Variants in PAG1 observed in about 807,000 individuals in gnomAD.
The protein encoded by PAG1 is phosphoprotein associated with glycosphingolipid-enriched microdomains 1.
In PAG1, 23 loss-of-function variants were observed where a neutral mutation model predicts 31.7. The ratio of observed to expected loss-of-function variants is 0.73; its 90% CI spans 0.52 to 1.03. The LOEUF (loss-of-function observed/expected upper bound fraction) is 1.03, where lower values mean the gene tolerates loss of function less well. PAG1 is among the 50% of genes least tolerant of loss of function. The pLI, the probability that PAG1 is intolerant of heterozygous loss-of-function variation, is 0.00. For synonymous variants in PAG1, 214 were observed against 210.3 expected (o/e 1.02, Z -0.15); for missense variants, 473 against 540.7 (o/e 0.87, Z 1.24).
intron 1 of PAG1, among the ~76,000 whole-genome samples, chr8:81,084,996 T>G (rs887585849): frequency 7.9e-5 from 12 of 152,164 alleles, no homozygotes; most frequent in Admixed American, 5.9e-4. Context: ...TCAAATAAGA[T>G]ACAATGAAGG....
intron 2 of PAG1, among the ~76,000 whole-genome samples, chr8:81,061,843 A>G (rs1216717266): frequency 6.6e-6 from 1 of 152,146 alleles, no homozygotes; most frequent in Non-Finnish European, 1.5e-5. Context: ...GTAGCCCGTA[A>G]GCGGAGATCT....
In PAG1 at chr8:80,971,908, T is replaced by A. The variant is rs529277021; in HGVS notation, c.*4636A>T. ...TAAATTTTAATTTGGTAATTCCAGATAAAGATTCTAATTTATCATGGTTTC... is the reference window on the plus strand; with the variant it reads ...TAAATTTTAATTTGGTAATTCCAGAAAAAGATTCTAATTTATCATGGTTTC... On this transcript the variant is annotated 3_prime_UTR_variant, in exon 9 of 9. Transcript: ENST00000220597. 6.6e-6 allele frequency: 1 copy of A among 152,218 alleles called. No individual in the cohort carries two copies. The highest frequency in any genetic ancestry group is 1.5e-5 in the Non-Finnish European group (1 of 68,028). The allele number at this position is 152,218 out of a possible 1,614,324, so 9.4% of individuals were successfully genotyped here. A position where few individuals can be genotyped will look rare whatever the true frequency, so the allele number is the denominator to read the frequency against.
chr8:80,979,136 T>TA (rs1807244753), intron 8 of PAG1, among the ~76,000 whole-genome samples: 1 of 152,256 alleles, frequency 6.6e-6, no homozygotes, highest in African/African-American at 2.4e-5. Context: ...TCTGTCATGT[T>TA]AAAAATTCAT....
chr8:80,997,960 T>C lies in PAG1; in HGVS notation c.-80-4653A>G, dbSNP rs73692531. Among the ~76,000 whole-genome samples the C allele has an allele frequency of 2.9e-3, 445 of 152,334 alleles. 1 individual carries two copies. The highest frequency in any genetic ancestry group is 0.01 in the African/African-American group (434 of 41,588). ...TAGCCTTGAGAAAGGTCAGTGCTTA[T>C]GGTTAAAGGACTTTCATTGGGGATT... On this transcript the variant is annotated intron_variant, in intron 3 of 8. Transcript: ENST00000220597.
intron 3 of PAG1, among the ~76,000 whole-genome samples, chr8:81,026,975 T>C (rs1449484072): frequency 1.3e-5 from 2 of 152,224 alleles, no homozygotes; most frequent in African/African-American, 4.8e-5. Context: ...TTGCTATCTT[T>C]GTGATGTACT....
intron 1 of PAG1, among the ~76,000 whole-genome samples, chr8:81,101,438 T>C (rs913960038): frequency 3.3e-5 from 5 of 152,018 alleles, no homozygotes; most frequent in Admixed American, 3.3e-4. Flanking sequence ...AACAAAGGAG[T>C]GGACTTCTAA....
intron 1 of PAG1, among the ~76,000 whole-genome samples, chr8:81,083,499 T>C (rs1430614742): frequency 1.3e-5 from 2 of 152,062 alleles, no homozygotes; most frequent in African/African-American, 2.4e-5. Context: ...GCTCTCAATT[T>C]AGAGCTGGCA....
chr8:81,052,456 C>T (rs1441452409), intron 2 of PAG1, among the ~76,000 whole-genome samples: 1 of 152,006 alleles, frequency 6.6e-6, no homozygotes, highest in Non-Finnish European at 1.5e-5. Flanking sequence ...CTAAGTATTT[C>T]AGCTATTTTG....
Position 81,022,889 on chromosome 8 carries a change from C to T in PAG1, c.-81+7107G>A, listed in dbSNP as rs772879160. On this transcript the variant is annotated intron_variant, in intron 3 of 8. Transcript: ENST00000220597. The stretch of plus-strand genomic sequence containing the variant: ...TCAAATCAGCTGACTACCCCATTGG[C>T]CTTTAATCTCCCTTCTGCAACTGAC... Among the ~76,000 whole-genome samples, 18 of 152,242 alleles carry T rather than the reference C, an allele frequency of 1.2e-4. No individual in the cohort carries two copies. In the Middle Eastern group the frequency reaches 0.01, roughly 86 times the overall value.
At position 81,002,878 on chromosome 8, in the gene PAG1, AG is replaced by A. The variant is rs1409604732; in HGVS notation, c.-80-9572del. ...TTTCAAGAGAGACTAGCTTGATTAG[AG>A]AAAGTCAGAACTTGTATTTAAAAAT... On this transcript the variant is annotated intron_variant, in intron 3 of 8. Transcript: ENST00000220597. 2.6e-5 allele frequency among the ~76,000 whole-genome samples: 4 copies of A among 152,228 alleles called. No homozygotes were observed. In the East Asian group the frequency reaches 7.7e-4, roughly 29 times the overall value.
intron 7 of PAG1, among the ~76,000 whole-genome samples, chr8:80,980,958 C>T (rs1393583587): frequency 3.3e-5 from 5 of 152,190 alleles, no homozygotes; most frequent in Non-Finnish European, 7.3e-5. Flanking sequence ...GTCTTGCCCC[C>T]TGCCTGATTT....
chr8:81,104,204 C>T (rs1809655245), intron 1 of PAG1, among the ~76,000 whole-genome samples: 1 of 152,112 alleles, frequency 6.6e-6, no homozygotes, highest in Non-Finnish European at 1.5e-5. Flanking sequence ...AGACCTGTCC[C>T]TTTGCTCTCT....
chr8:81,029,389 C>G (rs1346385655), intron 3 of PAG1, among the ~76,000 whole-genome samples: 1 of 149,000 alleles, frequency 6.7e-6, no homozygotes, highest in Non-Finnish European at 1.5e-5. Context: ...CACACACACA[C>G]CCCTCCCCAC....
chr8:81,001,368 T>C (rs1163075410), intron 3 of PAG1, among the ~76,000 whole-genome samples: 1 of 152,232 alleles, frequency 6.6e-6, no homozygotes, highest in Non-Finnish European at 1.5e-5. Flanking sequence ...GAAGTGCATA[T>C]TGGTCAGATC....
At chr8:81,008,533 T>C (rs1807926626) in intron 3 of PAG1, among the ~76,000 whole-genome samples, 1 of 148,542 alleles carries the variant, frequency 6.7e-6, no homozygotes, top group East Asian at 1.9e-4. Context: ...ACATATAATA[T>C]ATATAATACT....
At chr8:81,070,989 G>C (rs1298319043) in intron 1 of PAG1, among the ~76,000 whole-genome samples, 4 of 152,106 alleles carry the variant, frequency 2.6e-5, no homozygotes, top group Admixed American at 6.5e-5. Context: ...AATATCCACT[G>C]GGGGAAACTG....
chr8:81,089,257 G>T (rs1009929885), intron 1 of PAG1, among the ~76,000 whole-genome samples: 1 of 152,284 alleles, frequency 6.6e-6, no homozygotes, highest in South Asian at 2.1e-4. Flanking sequence ...TGCATGCAGT[G>T]GGTTTGTATC....
intron 3 of PAG1, among the ~76,000 whole-genome samples, chr8:80,997,599 G>A (rs574708191): frequency 6.6e-6 from 1 of 152,258 alleles, no homozygotes; most frequent in Admixed American, 6.5e-5. Flanking sequence ...GACCACATGT[G>A]TAAATATTCT....
intron 8 of PAG1, among the ~76,000 whole-genome samples, chr8:80,979,362 C>A (rs574737385): frequency 1.2e-4 from 19 of 152,068 alleles, no homozygotes; most frequent in Non-Finnish European, 2.5e-4. Flanking sequence ...TAGGGAGGGG[C>A]GGCCGCAGTG....
Sources: allele counts gnomAD v4.1 joint callset (sites outside exome capture counted in the v4.1 genomes callset), GRCh38; gene constraint gnomAD v4.1.1; transcripts MANE v1.5; gene names NCBI Gene and HGNC (gene_info 2026-07-23, HGNC 2026-07-21).